NTM: variants seen among roughly 807,000 people sequenced by gnomAD.
The protein encoded by NTM is IgLON family member 2.
NTM carries 13 observed loss-of-function variants against 42.1 expected under a neutral mutation model. That is an observed-to-expected ratio of 0.31 (90% CI 0.20 to 0.49). NTM has a LOEUF of 0.49. NTM is among the 20% of genes least tolerant of loss of function. The pLI is 0.99. For synonymous variants in NTM, 187 were observed against 179.2 expected, an observed-to-expected ratio of 1.04 and a Z score of -0.35; for missense variants, 373 against 452.8, an observed-to-expected ratio of 0.82 and a Z score of 1.60.
chr11:132,201,559 A>G (rs2138468938), intron 3 of NTM, among the ~76,000 whole-genome samples: 1 of 152,356 alleles, frequency 6.6e-6, no homozygotes, highest in South Asian at 2.1e-4. Context: ...AATTAGAAAC[A>G]GTGATGTCAG....
chr11:132,205,985 C>A (rs1027375059), intron 3 of NTM, among the ~76,000 whole-genome samples: 1 of 152,164 alleles, frequency 6.6e-6, no homozygotes, highest in Non-Finnish European at 1.5e-5. Context: ...CTTAACAGAA[C>A]GGCATTCCTG....
intron 3 of NTM, among the ~76,000 whole-genome samples, chr11:132,188,228 G>T (rs185867297): frequency 6.6e-6 from 1 of 152,274 alleles, no homozygotes; most frequent in Admixed American, 6.5e-5. Flanking sequence ...ACAACAAAGA[G>T]TCATCCAGCC....
intron 1 of NTM, among the ~76,000 whole-genome samples, chr11:131,740,783 G>A (rs1336157025): frequency 6.6e-6 from 1 of 152,194 alleles, no homozygotes; most frequent in Admixed American, 6.5e-5. Flanking sequence ...CCTGAATGTG[G>A]CAGCTGGAAC....
At chr11:132,194,350 TA>T (rs776130790) in intron 3 of NTM, among the ~76,000 whole-genome samples, 3 of 151,490 alleles carry the variant, frequency 2.0e-5, no homozygotes, top group African/African-American at 4.8e-5. Flanking sequence ...TAAATAGAAT[TA>T]AAAAAAACAA....
At chr11:131,542,414 A>C (rs1565620063) in intron 1 of NTM, among the ~76,000 whole-genome samples, 1 of 152,212 alleles carries the variant, frequency 6.6e-6, no homozygotes, top group Non-Finnish European at 1.5e-5. Context: ...GACAATGTTA[A>C]GTGCCATTTT....
intron 4 of NTM, among the ~76,000 whole-genome samples, chr11:132,287,517 C>A (rs938295452): frequency 1.3e-5 from 2 of 151,996 alleles, no homozygotes; most frequent in African/African-American, 4.8e-5. Flanking sequence ...TATATAAATT[C>A]TTGGGGGAAA....
At chr11:131,462,627 C>T (rs1951495170) in intron 1 of NTM, among the ~76,000 whole-genome samples, 1 of 152,232 alleles carries the variant, frequency 6.6e-6, no homozygotes, top group Non-Finnish European at 1.5e-5. Flanking sequence ...GCCACTGTTT[C>T]AGTTGAGGGG....
At chr11:131,615,243 C>G (rs1352150332) in intron 1 of NTM, among the ~76,000 whole-genome samples, 1 of 152,210 alleles carries the variant, frequency 6.6e-6, no homozygotes, top group Non-Finnish European at 1.5e-5. Flanking sequence ...CTCTCAGCCT[C>G]AGATTCCTCT....
chr11:132,325,603 G>A (rs1264285050), intron 7 of NTM, among the ~76,000 whole-genome samples: 1 of 152,188 alleles, frequency 6.6e-6, no homozygotes, highest in South Asian at 2.1e-4. Flanking sequence ...GTGGAAGTCA[G>A]TGTGGCGATT....
chr11:132,103,103 T>C (rs1566166121), intron 2 of NTM, among the ~76,000 whole-genome samples: 1 of 152,212 alleles, frequency 6.6e-6, no homozygotes, highest in Non-Finnish European at 1.5e-5. Context: ...ATGCCTATTG[T>C]GGAACCGCAG....
At position 131,651,387 on chromosome 11, in the gene NTM, G is replaced by A. The variant is rs1038161587; in HGVS notation, c.83-260177G>A. On this transcript the variant is annotated intron_variant, in intron 1 of 8. Coordinates refer to ENST00000683400, the MANE Select transcript of NTM (RefSeq NM_001352005.2). ...GAGAATTAGCTACTCATTGTTATCTGCATTCAAATCAATTGCACATCTTCC... is the reference window on the plus strand; with the variant it reads ...GAGAATTAGCTACTCATTGTTATCTACATTCAAATCAATTGCACATCTTCC... Among the ~76,000 whole-genome samples, 139 of 152,178 alleles carry A rather than the reference G, an allele frequency of 9.1e-4. 1 individual carries two copies. The highest frequency in any genetic ancestry group is 2.2e-4 in the Non-Finnish European group (15 of 68,042).
At chr11:131,845,834 C>T (rs1263781362) in intron 1 of NTM, among the ~76,000 whole-genome samples, 1 of 151,974 alleles carries the variant, frequency 6.6e-6, no homozygotes, top group Non-Finnish European at 1.5e-5. Flanking sequence ...ATTTTTCCTT[C>T]CCTATACATA....
intron 1 of NTM, among the ~76,000 whole-genome samples, chr11:131,442,189 C>T (rs1406696317): frequency 1.3e-5 from 2 of 152,138 alleles, no homozygotes; most frequent in Non-Finnish European, 2.9e-5. Context: ...GGCATGGGAA[C>T]CCGTGATTGT....
intron 2 of NTM, among the ~76,000 whole-genome samples, chr11:132,020,030 T>G (rs1429011750): frequency 6.6e-6 from 1 of 152,078 alleles, no homozygotes; most frequent in Non-Finnish European, 1.5e-5. Context: ...TATTCCCATC[T>G]TTATGTCCAT....
At position 132,003,770 on chromosome 11, in the gene NTM, T is replaced by C. The variant is rs1035695372; in HGVS notation, c.167+92122T>C. ...CCTCCTTGGAATCTACACAGAGAAA[T>C]CCCTGAGCTTTACTTTTTCTGGACC... On this transcript the variant is annotated intron_variant, in intron 2 of 8. Transcript: ENST00000683400. This position sits in a 1 kb window ranked among gnomAD's most constrained non-coding sequence, Gnocchi z 6.0. 6.6e-6 allele frequency among the ~76,000 whole-genome samples: 1 copy of C among 152,148 alleles called. No individual in the cohort carries two copies.
chr11:131,975,146 G>T (rs1565863181), intron 2 of NTM, among the ~76,000 whole-genome samples: 3 of 151,672 alleles, frequency 2.0e-5, no homozygotes, highest in Admixed American at 1.3e-4. Flanking sequence ...CTTATTTTTT[G>T]CCTTTTCAGG....
chr11:132,125,818 ATGTGTGG>A (rs1046743602), intron 2 of NTM, among the ~76,000 whole-genome samples: 4 of 5,722 alleles, frequency 7.0e-4, no homozygotes, highest in Non-Finnish European at 8.1e-4. Flanking sequence ...GCTGTGTGGT[ATGTGTGG>A]TGTGTGGTGT....
chr11:131,454,649 A>G (rs1201255836), intron 1 of NTM, among the ~76,000 whole-genome samples: 3 of 152,126 alleles, frequency 2.0e-5, no homozygotes, highest in Non-Finnish European at 4.4e-5. Flanking sequence ...TGCCGGTGCT[A>G]TAAATTTAAG....
chr11:132,071,207 G>A (rs1474278260), intron 2 of NTM, among the ~76,000 whole-genome samples: 5 of 139,184 alleles, frequency 3.6e-5, no homozygotes, highest in Non-Finnish European at 7.9e-5. Context: ...AAGTTAACAC[G>A]TCACACTGAC....
Sources: allele counts gnomAD v4.1 joint callset (sites outside exome capture counted in the v4.1 genomes callset), GRCh38; gene constraint gnomAD v4.1.1; non-coding constraint Gnocchi (gnomAD v3.1); transcripts MANE v1.5; gene names NCBI Gene and HGNC (gene_info 2026-07-23, HGNC 2026-07-21).